Variants in PLEKHA8 observed in about 807,000 individuals in gnomAD.
The protein encoded by PLEKHA8 is pleckstrin homology domain containing A8.
In PLEKHA8, 36 loss-of-function variants were observed where a neutral mutation model predicts 68.2. The ratio of observed to expected loss-of-function variants is 0.53; its 90% CI spans 0.40 to 0.70. The LOEUF (loss-of-function observed/expected upper bound fraction) is 0.70, where lower values mean the gene tolerates loss of function less well. PLEKHA8 is among the 30% of genes least tolerant of loss of function. The probability of loss-of-function intolerance (pLI) is 0.00; values close to 1 mark genes in which losing one functional copy is unlikely to be tolerated. For missense variants in PLEKHA8, 505 were observed against 615.4 expected (o/e 0.82, Z 1.90); for synonymous variants, 211 against 216.1 (o/e 0.98, Z 0.20).
chr7:30,118,028 C>T, intron 13 of PLEKHA8: 1 of 1,520,542 alleles, frequency 6.6e-7, no homozygotes, highest in East Asian at 2.5e-5. Context: ...CAGGCGGGTG[C>T]AGAGTGGCCT....
At chr7:30,056,310 C>A (rs375649466) in intron 9 of PLEKHA8, among the ~76,000 whole-genome samples, 2,558 of 72,090 alleles carry the variant, frequency 0.035, 76 homozygotes, top group South Asian at 0.077. Flanking sequence ...CTCTCTCTCT[C>A]TCTATATATA....
chr7:30,046,415 G>T, intron 3 of PLEKHA8, 50 bp downstream of exon 3: 4 of 1,510,556 alleles, frequency 2.6e-6, no homozygotes, highest in Non-Finnish European at 3.5e-6. Flanking sequence ...TCACCCACTG[G>T]CATCTCTGAT....
intron 3 of PLEKHA8, among the ~76,000 whole-genome samples, chr7:30,046,633 C>T (rs1231995219): frequency 6.6e-6 from 1 of 152,152 alleles, no homozygotes; most frequent in African/African-American, 2.4e-5. Flanking sequence ...ACCTTGGCAT[C>T]GGTCACTTAA....
intron 13 of PLEKHA8, among the ~76,000 whole-genome samples, chr7:30,115,514 A>G (rs1453519760): frequency 7.6e-6 from 1 of 131,676 alleles, no homozygotes; most frequent in African/African-American, 2.6e-5. Context: ...ATATGTACAC[A>G]TACACGTATA....
intron 4 of PLEKHA8, 36 bp downstream of exon 4, chr7:30,047,992 G>T: frequency 8.8e-7 from 1 of 1,132,616 alleles, no homozygotes; most frequent in Non-Finnish European, 1.1e-6. Context: ...TAATATACAT[G>T]AATAATATAA....
chr7:30,063,279 G>A (rs2127989533), intron 12 of PLEKHA8, among the ~76,000 whole-genome samples: 1 of 152,338 alleles, frequency 6.6e-6, no homozygotes, highest in East Asian at 1.9e-4. Context: ...TATATCTCCA[G>A]CACCTTAAAG....
chr7:30,129,807 T>C (rs1487644991), downstream of PLEKHA8: 2 of 155,736 alleles, frequency 1.3e-5, no homozygotes, highest in African/African-American at 4.8e-5. Context: ...AAGTAACTTA[T>C]CCAAGATCAC....
At position 30,080,266 on chromosome 7, in the gene PLEKHA8, ACCCT is replaced by A. The variant is rs1794858425; in HGVS notation, c.*1480_*1483del. 1 of 985,272 alleles carries A rather than the reference ACCCT, an allele frequency of 1.0e-6. No individual in the cohort carries two copies. Among genetic ancestry groups the A allele is most frequent in the Non-Finnish European group, 1.2e-6 (1 of 829,914 alleles). 61.0% of individuals were successfully genotyped at this position (985,272 alleles called of 1,614,324 possible). A position where few individuals can be genotyped will look rare whatever the true frequency, so the allele number is the denominator to read the frequency against. On this transcript the variant is annotated 3_prime_UTR_variant, in exon 14 of 14. Transcript: ENST00000449726. ...TTCTTCTGCACAGTGTGATGCTCCA[ACCCT>A]GGCCCTAGTCTCAGTAGACCATGCT...
intron 12 of PLEKHA8, among the ~76,000 whole-genome samples, chr7:30,072,333 G>A (rs1252472723): frequency 2.0e-5 from 3 of 152,208 alleles, no homozygotes; most frequent in Admixed American, 2.0e-4. Flanking sequence ...ATTGCAATAT[G>A]TATTGAGTAT....
At position 30,084,351 on chromosome 7, in the gene PLEKHA8, A is replaced by G; in HGVS notation, c.*5564A>G. ...ATGTTACCTGTTCTTGTCTCTCAGCATTTTGAATGAGCATCATAATCAGAG... is the reference window on the plus strand; with the variant it reads ...ATGTTACCTGTTCTTGTCTCTCAGCGTTTTGAATGAGCATCATAATCAGAG... On this transcript the variant is annotated 3_prime_UTR_variant, in exon 14 of 14. Coordinates refer to ENST00000449726, the MANE Select transcript of PLEKHA8 (RefSeq NM_001197026.2). The G allele has an allele frequency of 1.0e-6, 1 of 985,412 alleles. No individual in the cohort carries two copies. The highest frequency in any genetic ancestry group is 1.2e-6 in the Non-Finnish European group (1 of 829,894). The allele number at this position is 985,412 out of a possible 1,614,324, so 61.0% of individuals were successfully genotyped here.
chr7:30,056,324 A>C (rs1038911743), intron 9 of PLEKHA8, among the ~76,000 whole-genome samples: 1,578 of 128,756 alleles, frequency 0.012, 17 homozygotes, highest in Middle Eastern at 0.02. Context: ...ATATATATAT[A>C]TATATATAAA....
In PLEKHA8 at chr7:30,079,861, A is replaced by G; in HGVS notation, c.*1074A>G. 3.1e-6 allele frequency: 3 copies of G among 968,738 alleles called. No individual in the cohort carries two copies. Among genetic ancestry groups the G allele is most frequent in the South Asian group, 4.8e-5 (1 of 20,914 alleles). 60.0% of individuals were successfully genotyped at this position (968,738 alleles called of 1,614,324 possible). A position where few individuals can be genotyped will look rare whatever the true frequency, so the allele number is the denominator to read the frequency against. On this transcript the variant is annotated 3_prime_UTR_variant, in exon 14 of 14. Transcript: ENST00000449726. ...CAACTAGATTAAATTCTAGTTTACA[A>G]AATTACCAGTTTTCTTCAAGAACTA...
At chr7:30,077,205 A>G (rs1024275738) in intron 13 of PLEKHA8, among the ~76,000 whole-genome samples, 1 of 152,096 alleles carries the variant, frequency 6.6e-6, no homozygotes, top group African/African-American at 2.4e-5. Flanking sequence ...CTATTCTATT[A>G]TATATAATCT....
intron 9 of PLEKHA8, among the ~76,000 whole-genome samples, chr7:30,060,253 C>T (rs1363199547): frequency 6.6e-6 from 1 of 152,114 alleles, no homozygotes; most frequent in Non-Finnish European, 1.5e-5. Context: ...ACCAGCCTGG[C>T]CAACATGGTG....
chr7:30,072,818 CA>C (rs1794337111), intron 12 of PLEKHA8, among the ~76,000 whole-genome samples: 1 of 152,120 alleles, frequency 6.6e-6, no homozygotes, highest in African/African-American at 2.4e-5. Context: ...TGAAGAAGGT[CA>C]AATAGCCCCC....
intron 13 of PLEKHA8, among the ~76,000 whole-genome samples, chr7:30,074,551 GT>G (rs1170071553): frequency 3.3e-5 from 5 of 152,148 alleles, no homozygotes; most frequent in African/African-American, 1.2e-4. Context: ...GCAGAAGTAC[GT>G]AGGAAGCAGT....
At position 30,028,804 on chromosome 7, in the gene PLEKHA8, T is replaced by C. The variant is rs868550616; in HGVS notation, c.40+2T>C. ...ACAAGTGGACCAACTATCTGAGCGG[T>C]GAGTGGCCGTGCCGGGCCGGGGGCG... On this transcript the variant is annotated splice_donor_variant, in intron 1 of 13. Transcript: ENST00000449726. LOFTEE classifies it high-confidence loss of function. The C allele has an allele frequency of 7.9e-7, 1 of 1,268,238 alleles. No individual in the cohort carries two copies. The highest frequency in any genetic ancestry group is 3.9e-5 in the Admixed American group (1 of 25,422). The allele number at this position is 1,268,238 out of a possible 1,614,324, so 78.6% of individuals were successfully genotyped here.
intron 13 of PLEKHA8, among the ~76,000 whole-genome samples, chr7:30,108,720 C>T (rs1251986624): frequency 6.6e-6 from 1 of 152,148 alleles, no homozygotes; most frequent in Non-Finnish European, 1.5e-5. Flanking sequence ...GGACAAGATG[C>T]CTGCTAGGAC....
intron 12 of PLEKHA8, among the ~76,000 whole-genome samples, chr7:30,068,331 A>C (rs774381072): frequency 6.6e-6 from 1 of 152,264 alleles, no homozygotes; most frequent in African/African-American, 2.4e-5. Flanking sequence ...TCCAAAGTCT[A>C]TAATTACCAG....
Sources: allele counts gnomAD v4.1 joint callset (sites outside exome capture counted in the v4.1 genomes callset), GRCh38; gene constraint gnomAD v4.1.1; transcripts MANE v1.5; gene names NCBI Gene and HGNC (gene_info 2026-07-23, HGNC 2026-07-21).